Variants in MAD1L1 observed in about 807,000 individuals in gnomAD.
MAD1L1 encodes mitotic spindle assembly checkpoint protein MAD1.
In MAD1L1, 95 loss-of-function variants were observed where a neutral mutation model predicts 96.9. That is an observed-to-expected ratio of 0.98 (90% CI 0.83 to 1.16). MAD1L1 has a LOEUF of 1.16. Among genes scored for constraint, MAD1L1 ranks in the 50% most tolerant of loss-of-function variants. MAD1L1 has a pLI of 0.00. For synonymous variants in MAD1L1, 473 were observed against 396.6 expected (o/e 1.19, Z -2.29); for missense variants, 1,007 against 954.4 (o/e 1.06, Z -0.73).
chr7:1,981,375 C>G (rs1335249095), intron 14 of MAD1L1, among the ~76,000 whole-genome samples: 3 of 152,290 alleles, frequency 2.0e-5, no homozygotes, highest in East Asian at 3.9e-4. Context: ...CAAGGAAGAG[C>G]AGGGCACAGA....
At position 2,225,521 on chromosome 7, in the gene MAD1L1, C is replaced by T. The variant is rs1562390111; in HGVS notation, c.180G>A (p.Ser60=). The T allele has an allele frequency of 3.1e-6, 5 of 1,614,016 alleles. No homozygotes were observed. The highest frequency in any genetic ancestry group is 1.1e-5 in the South Asian group (1 of 91,078). Residue 60 remains serine (S), a synonymous_variant, in exon 4 of 19, where the codon TCG becomes TCA. Transcript: ENST00000265854. ...QLEERAEQIR[S]KSHLIQVERE... Reference sequence around the variant, plus strand: ...GCTCCACCTGGATGAGGTGGGACTTCGAACGGATCTGCTCTGCTCTTTCCT... The same window carrying T: ...GCTCCACCTGGATGAGGTGGGACTTTGAACGGATCTGCTCTGCTCTTTCCT...
At chr7:2,047,325 C>T (rs10276536) in intron 12 of MAD1L1, among the ~76,000 whole-genome samples, 54,244 of 152,052 alleles carry the variant, frequency 0.36, 10,748 homozygotes, top group African/African-American at 0.53. Flanking sequence ...CAGACCGTGC[C>T]GATGATTGCT....
intron 11 of MAD1L1, among the ~76,000 whole-genome samples, chr7:2,090,999 G>A (rs931012186): frequency 5.3e-5 from 8 of 152,124 alleles, no homozygotes; most frequent in South Asian, 2.1e-4. Context: ...CATTTATTTC[G>A]GTCAGCCTGA....
intron 11 of MAD1L1, among the ~76,000 whole-genome samples, chr7:2,110,801 G>A (rs1374195757): frequency 1.3e-5 from 2 of 152,140 alleles, no homozygotes; most frequent in African/African-American, 4.8e-5. Flanking sequence ...GAATTCCATG[G>A]TGCACGCCCA....
intron 14 of MAD1L1, among the ~76,000 whole-genome samples, chr7:1,981,443 A>G (rs1286701665): frequency 6.6e-6 from 1 of 152,126 alleles, no homozygotes; most frequent in Non-Finnish European, 1.5e-5. Flanking sequence ...CACCAGCTCC[A>G]GGGCCCGGGG....
At chr7:1,977,224 C>G (rs1273040678) in intron 15 of MAD1L1, among the ~76,000 whole-genome samples, 1 of 152,236 alleles carries the variant, frequency 6.6e-6, no homozygotes, top group Non-Finnish European at 1.5e-5. Context: ...GGTGTGGGCT[C>G]AGGCATGGCG....
chr7:1,865,612 C>T (rs1393570264), intron 18 of MAD1L1, among the ~76,000 whole-genome samples: 1 of 152,226 alleles, frequency 6.6e-6, no homozygotes, highest in African/African-American at 2.4e-5. Flanking sequence ...AATATTAATA[C>T]CATCACCTCA....
intron 17 of MAD1L1, among the ~76,000 whole-genome samples, chr7:1,926,486 T>C (rs1403807355): frequency 4.6e-5 from 7 of 150,880 alleles, no homozygotes; most frequent in African/African-American, 1.7e-4. Context: ...GTCAGCAAGA[T>C]GAACTCAGCA....
chr7:2,121,813 G>A (rs371680376), intron 11 of MAD1L1, among the ~76,000 whole-genome samples: 13 of 152,296 alleles, frequency 8.5e-5, no homozygotes, highest in African/African-American at 3.1e-4. Flanking sequence ...CCTCCAGACG[G>A]TGAGGTGTGT....
intron 9 of MAD1L1, among the ~76,000 whole-genome samples, chr7:2,213,780 A>G (rs975819436): frequency 6.6e-6 from 1 of 152,196 alleles, no homozygotes; most frequent in African/African-American, 2.4e-5. Flanking sequence ...CTGGAGCATG[A>G]GGGAGGGTGA....
At chr7:2,117,836 C>A (rs1419596037) in intron 11 of MAD1L1, among the ~76,000 whole-genome samples, 2 of 152,160 alleles carry the variant, frequency 1.3e-5, no homozygotes, top group African/African-American at 4.8e-5. Context: ...AGGACAGCAG[C>A]AGGAAGCACC....
At chr7:1,952,890 G>A (rs1028315103) in intron 16 of MAD1L1, among the ~76,000 whole-genome samples, 11 of 152,232 alleles carry the variant, frequency 7.2e-5, no homozygotes, top group African/African-American at 2.2e-4. Context: ...TCCAGCGAGC[G>A]GGAGAGGCCA....
At chr7:2,196,034 T>C (rs967545894) in intron 10 of MAD1L1, among the ~76,000 whole-genome samples, 1 of 152,242 alleles carries the variant, frequency 6.6e-6, no homozygotes, top group African/African-American at 2.4e-5. Context: ...CATGGCACCA[T>C]GTGGCCAGCC....
chr7:1,857,786 C>T (rs576490855), intron 18 of MAD1L1, among the ~76,000 whole-genome samples: 26 of 152,230 alleles, frequency 1.7e-4, no homozygotes, highest in Admixed American at 6.5e-4. Flanking sequence ...GCCAGCACGA[C>T]GCCCCCTCTG....
At chr7:1,965,954 G>A (rs1403750167) in intron 15 of MAD1L1, among the ~76,000 whole-genome samples, 1 of 152,276 alleles carries the variant, frequency 6.6e-6, no homozygotes, top group African/African-American at 2.4e-5. Context: ...GTCCTGGAGA[G>A]TTGGGGGGCA....
At chr7:2,197,479 C>T (rs1478629687) in intron 10 of MAD1L1, among the ~76,000 whole-genome samples, 1 of 152,170 alleles carries the variant, frequency 6.6e-6, no homozygotes, top group Non-Finnish European at 1.5e-5. Flanking sequence ...ATCTCCCGCC[C>T]CGACCCACGC....
chr7:1,933,190 G>T (rs1051647428), intron 17 of MAD1L1, among the ~76,000 whole-genome samples: 1 of 152,164 alleles, frequency 6.6e-6, no homozygotes, highest in East Asian at 1.9e-4. Flanking sequence ...ACAATCCCTG[G>T]GTATCAGCTC....
chr7:2,175,758 C>G (rs1401212650), intron 10 of MAD1L1, among the ~76,000 whole-genome samples: 1 of 152,168 alleles, frequency 6.6e-6, no homozygotes, highest in Non-Finnish European at 1.5e-5. Context: ...TCATCCTCCT[C>G]CTGAAGCCCT....
At chr7:2,067,861 C>T (rs1014353555) in intron 12 of MAD1L1, among the ~76,000 whole-genome samples, 3 of 151,824 alleles carry the variant, frequency 2.0e-5, no homozygotes, top group African/African-American at 7.2e-5. Flanking sequence ...TGTTGAGGTG[C>T]GTGGCAGGTG....
Sources: gnomAD v4.1 joint callset for allele counts (sites outside exome capture counted in the v4.1 genomes callset) on GRCh38, gnomAD v4.1.1 for gene constraint, MANE v1.5 for transcripts, NCBI Gene and HGNC (gene_info 2026-07-23, HGNC 2026-07-21) for gene names.